ANO2: variants seen among roughly 807,000 people sequenced by gnomAD.
The protein encoded by ANO2 is anoctamin-2.
In ANO2, 101 loss-of-function variants were observed where a neutral mutation model predicts 124.2. That is an observed-to-expected ratio of 0.81 (90% CI 0.69 to 0.96). The LOEUF is 0.96. Ranked by LOEUF, ANO2 falls within the 40% of genes least tolerant of loss-of-function variation. The pLI is 0.00. For synonymous variants in ANO2, 486 were observed against 482.5 expected (o/e 1.01, Z -0.09); for missense variants, 1,293 against 1,274.5 (o/e 1.01, Z -0.22).
chr12:5,662,115 C>G (rs147013675), intron 14 of ANO2, among the ~76,000 whole-genome samples: 2 of 152,248 alleles, frequency 1.3e-5, no homozygotes. Context: ...ACTGCACTCT[C>G]GCAGTTGTTC....
chr12:5,767,220 G>GTTCT (rs1951920738), intron 10 of ANO2, among the ~76,000 whole-genome samples: 2 of 152,322 alleles, frequency 1.3e-5, no homozygotes, highest in East Asian at 3.9e-4. Flanking sequence ...AAATGTGGGT[G>GTTCT]TTCTTAGTAG....
At chr12:5,808,030 T>C (rs901198198) in intron 7 of ANO2, among the ~76,000 whole-genome samples, 1 of 152,266 alleles carries the variant, frequency 6.6e-6, no homozygotes, top group African/African-American at 2.4e-5. Flanking sequence ...CATCATCCCC[T>C]ATGGCTAATG....
intron 3 of ANO2, among the ~76,000 whole-genome samples, chr12:5,901,006 C>T (rs1940162148): frequency 6.6e-6 from 1 of 152,200 alleles, no homozygotes; most frequent in Non-Finnish European, 1.5e-5. Context: ...GGTGGGGCCA[C>T]TCTCAGCAGG....
chr12:5,933,998 T>A (rs1942545110), intron 1 of ANO2, among the ~76,000 whole-genome samples: 1 of 152,208 alleles, frequency 6.6e-6, no homozygotes. Flanking sequence ...AACTGAGGAA[T>A]CCTTTCTTGT....
intron 10 of ANO2, among the ~76,000 whole-genome samples, chr12:5,755,247 C>A (rs1462966861): frequency 6.6e-6 from 1 of 151,814 alleles, no homozygotes; most frequent in Non-Finnish European, 1.5e-5. Flanking sequence ...TGCAAGGTTT[C>A]TGCTGAGAAG....
chr12:5,799,990 T>C (rs1453277702), intron 9 of ANO2, among the ~76,000 whole-genome samples: 2 of 152,160 alleles, frequency 1.3e-5, no homozygotes, highest in East Asian at 3.8e-4. Flanking sequence ...AACATAAACA[T>C]ATAAACAGAT....
chr12:5,912,374 C>T (rs1309542086), intron 3 of ANO2, among the ~76,000 whole-genome samples: 1 of 152,164 alleles, frequency 6.6e-6, no homozygotes, highest in Non-Finnish European at 1.5e-5. Flanking sequence ...AGGTGCTTTA[C>T]GTTTCCTAGT....
At chr12:5,795,587 AG>A (rs760396085) in intron 10 of ANO2, among the ~76,000 whole-genome samples, 1 of 152,248 alleles carries the variant, frequency 6.6e-6, no homozygotes, top group Non-Finnish European at 1.5e-5. Context: ...TGTCACAGGC[AG>A]GCAGTGGCAG....
At chr12:5,565,079 G>A (rs775840469) in intron 24 of ANO2, among the ~76,000 whole-genome samples, 4 of 152,076 alleles carry the variant, frequency 2.6e-5, no homozygotes, top group South Asian at 2.1e-4. Flanking sequence ...GGGATGGCTC[G>A]ATGGCTCTGG....
chr12:5,613,077 C>G (rs1241690234), intron 17 of ANO2, 119 bp from the exon 18 acceptor site: 1 of 971,876 alleles, frequency 1.0e-6, no homozygotes, highest in Non-Finnish European at 1.6e-6. Flanking sequence ...CTGGTCAGGG[C>G]GAGTGCTAGA....
At chr12:5,609,963 A>G (rs1722093922) in intron 19 of ANO2, among the ~76,000 whole-genome samples, 1 of 143,750 alleles carries the variant, frequency 7.0e-6, no homozygotes, top group Admixed American at 7.1e-5. Flanking sequence ...GTATACATAC[A>G]TTTATGTATA....
Position 5,939,705 on chromosome 12 carries a change from G to A in ANO2, c.22+5491C>T, listed in dbSNP as rs185369597. On this transcript the variant is annotated intron_variant, in intron 1 of 24. Coordinates refer to ENST00000682330, the MANE Select transcript of ANO2 (RefSeq NM_001364791.2). ...TCCTGTTTTCCGAAAGGTAGAAAGC[G>A]CATGGAAGAACAGGCATGGAAGGCT... Among the ~76,000 whole-genome samples the A allele has an allele frequency of 8.3e-4, 127 of 152,316 alleles. 1 individual carries two copies. Among genetic ancestry groups the A allele is most frequent in the African/African-American group, 2.6e-3 (109 of 41,568 alleles).
chr12:5,861,690 T>G lies in ANO2; in HGVS notation c.535-7549A>C, dbSNP rs186592382. ...ACATCGGCGCCCGGGAATGGCGCTG[T>G]AAGGAAGGGTGGGGGGATGAGCCTG... On this transcript the variant is annotated intron_variant, in intron 3 of 24. Transcript: ENST00000682330. Among the ~76,000 whole-genome samples the G allele has an allele frequency of 4.1e-3, 617 of 152,082 alleles. 3 individuals carry two copies. Among genetic ancestry groups the G allele is most frequent in the African/African-American group, 0.014 (591 of 41,486 alleles).
At chr12:5,758,814 C>T (rs974340096) in intron 10 of ANO2, among the ~76,000 whole-genome samples, 7 of 152,292 alleles carry the variant, frequency 4.6e-5, no homozygotes, top group Non-Finnish European at 1.0e-4. Flanking sequence ...ATTTTATACA[C>T]AATGTATGGC....
At chr12:5,583,289 C>T (rs181088672) in intron 20 of ANO2, among the ~76,000 whole-genome samples, 7 of 152,212 alleles carry the variant, frequency 4.6e-5, no homozygotes, top group African/African-American at 1.2e-4. Context: ...CAGAAGACTT[C>T]GAAGAAAGTT....
intron 14 of ANO2, among the ~76,000 whole-genome samples, chr12:5,692,917 CAAT>C (rs1949005686): frequency 6.6e-6 from 1 of 152,166 alleles, no homozygotes; most frequent in South Asian, 2.1e-4. Context: ...TGTTTATTAA[CAAT>C]AATGGGAGAC....
chr12:5,819,901 C>T (rs1245724969), intron 7 of ANO2, among the ~76,000 whole-genome samples: 4 of 152,160 alleles, frequency 2.6e-5, no homozygotes, highest in Non-Finnish European at 5.9e-5. Context: ...CTGTAATGGA[C>T]AGCAGAGGCA....
At chr12:5,746,438 A>G (rs1307879890) in intron 11 of ANO2, among the ~76,000 whole-genome samples, 1 of 152,174 alleles carries the variant, frequency 6.6e-6, no homozygotes, top group Non-Finnish European at 1.5e-5. Flanking sequence ...TAAGAATGAC[A>G]TCGAAATGAC....
intron 3 of ANO2, among the ~76,000 whole-genome samples, chr12:5,876,687 G>A (rs556268919): frequency 8.5e-5 from 13 of 152,290 alleles, no homozygotes; most frequent in Admixed American, 3.3e-4. Context: ...CAGAGACATG[G>A]ATGAAGCTGG....
Sources: allele counts gnomAD v4.1 joint callset (sites outside exome capture counted in the v4.1 genomes callset), GRCh38; gene constraint gnomAD v4.1.1; transcripts MANE v1.5; gene names NCBI Gene and HGNC (gene_info 2026-07-23, HGNC 2026-07-21).